Variants in MTERF2 observed in about 807,000 individuals in gnomAD.
The protein encoded by MTERF2 is mitochondrial transcription termination factor 2, also known as transcription termination factor 2, mitochondrial.
In MTERF2, 23 loss-of-function variants were observed where a neutral mutation model predicts 29.2. That is an observed-to-expected ratio of 0.79 (90% CI 0.57 to 1.12). The LOEUF (loss-of-function observed/expected upper bound fraction) is 1.12. Among genes scored for constraint, MTERF2 ranks in the 50% most tolerant of loss-of-function variants. The probability of loss-of-function intolerance (pLI) is 0.00; values close to 1 mark genes in which losing one functional copy is unlikely to be tolerated. For missense variants in MTERF2, 440 were observed against 429.4 expected, an observed-to-expected ratio of 1.02 and a Z score of -0.22; for synonymous variants, 157 against 159.5, an observed-to-expected ratio of 0.98 and a Z score of 0.12.
chr12:106,985,614 A>G (rs1470160369), intron 1 of MTERF2: 1 of 152,286 alleles, frequency 6.6e-6, no homozygotes, highest in Non-Finnish European at 1.5e-5. Context: ...TCAACACTAC[A>G]TGGACAGACT....
chr12:106,979,414 T>C (rs977969996), intron 2 of MTERF2, among the ~76,000 whole-genome samples: 3 of 152,226 alleles, frequency 2.0e-5, no homozygotes, highest in African/African-American at 4.8e-5. Flanking sequence ...AGTTAATAAA[T>C]GGATTTTTTT....
chr12:106,977,718 T>C lies in MTERF2; in HGVS notation c.997A>G (p.Arg333Gly), dbSNP rs1345473603. The change falls in exon 3 of 3, where the codon AGG becomes GGG. Residue 333 changes from arginine to glycine, a missense_variant. By Grantham distance (125) the Arg-to-Gly change is moderately radical. Transcript: ENST00000240050. ...LELTPQIVQY[R>G]IRKLNSSGYR... Reference sequence around the variant, plus strand: ...CCTGAGGAATTCAGTTTCCTTATCCTGTACTGTACTATCTGTGGTGTTAAT... The same window carrying C: ...CCTGAGGAATTCAGTTTCCTTATCCCGTACTGTACTATCTGTGGTGTTAAT... 3 of 1,613,934 alleles carry C rather than the reference T, an allele frequency of 1.9e-6. No individual in the cohort carries two copies. Among genetic ancestry groups the C allele is most frequent in the African/African-American group, 2.7e-5 (2 of 74,934 alleles).
chr12:106,982,827 T>A (rs1449335109), intron 2 of MTERF2, among the ~76,000 whole-genome samples: 1 of 152,240 alleles, frequency 6.6e-6, no homozygotes, highest in Admixed American at 6.5e-5. Flanking sequence ...CAGGAAAAAC[T>A]ATCTCAGTTG....
rs933785945 is a variant in MTERF2 at position 106,977,771 on chromosome 12, T to C, written c.944A>G (p.Gln315Arg). 4 of 1,613,920 alleles carry C rather than the reference T, an allele frequency of 2.5e-6. No homozygotes were observed. The highest frequency in any genetic ancestry group is 2.7e-5 in the African/African-American group (2 of 74,942). Residue 315 changes from glutamine (Q) to arginine (R), a missense_variant, in exon 3 of 3, where the codon CAG (glutamine) becomes CGG (arginine). Transcript: ENST00000240050. ...GLLREGISIAQIRETPMVLEL... is the reference protein window; with the variant it reads ...GLLREGISIARIRETPMVLEL... The stretch of plus-strand genomic sequence containing the variant: ...AAGAACCATTGGCGTCTCTCTTATC[T>C]GAGCTATGGAAATTCCTTCTCTCAA...
chr12:106,977,360 C>T lies in MTERF2; in HGVS notation c.*197G>A. 4 of 461,132 alleles carry T rather than the reference C, an allele frequency of 8.7e-6. No individual in the cohort carries two copies. Among genetic ancestry groups the T allele is most frequent in the East Asian group, 3.6e-5 (1 of 28,058 alleles). The allele number at this position is 461,132 out of a possible 1,614,324, so 28.6% of individuals were successfully genotyped here. The stretch of plus-strand genomic sequence containing the variant: ...ATGGTTCAAGGTAAAAGTTACCAAC[C>T]TTATTAAAATAAATATGATTTATAT... On this transcript the variant is annotated 3_prime_UTR_variant, in exon 3 of 3. Transcript: ENST00000240050.
Position 106,978,110 on chromosome 12 carries a change from T to G in MTERF2, c.605A>C (p.Glu202Ala). The G allele has an allele frequency of 1.2e-6, 2 of 1,614,118 alleles. No homozygotes were observed. The highest frequency in any genetic ancestry group is 1.7e-6 in the Non-Finnish European group (2 of 1,180,008). Residue 202 changes from glutamate (E) to alanine (A), a missense_variant, in exon 3 of 3, where the codon GAG becomes GCG. Coordinates refer to ENST00000240050, the MANE Select transcript of MTERF2 (RefSeq NM_001033050.3). The part of the protein sequence containing the change: ...QESYLDVGGS[E>A]ANMKVWLLKL... ...TAGTAGCCAAACTTTCATGTTGGCC[T>G]CAGAGCCACCTACATCTAGATAACT...
intron 2 of MTERF2, among the ~76,000 whole-genome samples, chr12:106,979,869 A>G (rs1952035732): frequency 6.6e-6 from 1 of 152,156 alleles, no homozygotes; most frequent in Non-Finnish European, 1.5e-5. Context: ...CATAAGATAC[A>G]TTAACAGGAG....
At position 106,979,768 on chromosome 12, in the gene MTERF2, A is replaced by C. The variant is rs146785997; in HGVS notation, c.-57-997T>G. On this transcript the variant is annotated intron_variant, in intron 2 of 2. Transcript: ENST00000240050. ...TGTGTAGGTATCTTGAGATGGCTAT[A>C]CTGTGTCTGACACATTAACAGTCTT... Among the ~76,000 whole-genome samples, 4 of 152,352 alleles carry C rather than the reference A, an allele frequency of 2.6e-5. No individual in the cohort carries two copies. In the East Asian group the frequency reaches 7.7e-4, roughly 29 times the overall value.
In MTERF2 at chr12:106,978,759, G is replaced by A; in HGVS notation, c.-45C>T. The stretch of plus-strand genomic sequence containing the variant: ...GTTTCCACCGTCCTGGGACTTAAAT[G>A]GACTCATTCTATCTGAAAAAAAGAA... On this transcript the variant is annotated 5_prime_UTR_variant, in exon 3 of 3. Transcript: ENST00000240050. 2 of 1,539,094 alleles carry A rather than the reference G, an allele frequency of 1.3e-6. No individual in the cohort carries two copies. Among genetic ancestry groups the A allele is most frequent in the South Asian group, 1.2e-5 (1 of 81,356 alleles).
At position 106,978,448 on chromosome 12, in the gene MTERF2, G is replaced by A. The variant is rs1242750091; in HGVS notation, c.267C>T (p.Ala89=). The A allele has an allele frequency of 1.2e-6, 2 of 1,614,148 alleles. No individual in the cohort carries two copies. Among genetic ancestry groups the A allele is most frequent in the Non-Finnish European group, 8.5e-7 (1 of 1,180,040 alleles). ...AAATACTGGCTACAGCAGTCTCATC[G>A]GCACCTAGTTCTTGTAAAATATTCG... The part of the protein sequence containing the change: ...EIANILQELG[A]DETAVASILE... Residue 89 remains alanine, a synonymous_variant, in exon 3 of 3, where the codon GCC becomes GCT. Transcript: ENST00000240050.
chr12:106,983,866 C>A (rs1952079923), intron 2 of MTERF2, among the ~76,000 whole-genome samples: 1 of 152,184 alleles, frequency 6.6e-6, no homozygotes, highest in Non-Finnish European at 1.5e-5. Context: ...GCATACTTGG[C>A]TCCCCCTGCC....
At position 106,978,084 on chromosome 12, in the gene MTERF2, T is replaced by A; in HGVS notation, c.631A>T (p.Lys211Ter). 1 of 1,614,026 alleles carries A rather than the reference T, an allele frequency of 6.2e-7. No individual in the cohort carries two copies. Among genetic ancestry groups the A allele is most frequent in the Non-Finnish European group, 8.5e-7 (1 of 1,179,990 alleles). ...SEANMKVWLL[K>*]LLSQNPFILL... ...ATAAATGGGTTTTGGCTTAACAATT[T>A]TAGTAGCCAAACTTTCATGTTGGCC... The change falls in exon 3 of 3, where the codon AAA becomes TAA. Residue 211 changes from lysine to a stop codon, truncating the protein, a stop_gained. Coordinates refer to ENST00000240050, the MANE Select transcript of MTERF2 (RefSeq NM_001033050.3). LOFTEE classifies it high-confidence loss of function.
chr12:106,978,243 C>T lies in MTERF2; in HGVS notation c.472G>A (p.Glu158Lys), dbSNP rs756210264. 1.5e-5 allele frequency: 25 copies of T among 1,613,786 alleles called. No homozygotes were observed. The highest frequency in any genetic ancestry group is 2.1e-5 in the Non-Finnish European group (25 of 1,180,010). ...ATGACCACATTTTTTAGTCCCAACTCTTGAAAGAACTGAACATTCAGCTTC... is the reference window on the plus strand; with the variant it reads ...ATGACCACATTTTTTAGTCCCAACTTTTGAAAGAACTGAACATTCAGCTTC... Reference protein sequence around the residue: ...NQKLNVQFFQELGLKNVVISR... With the variant: ...NQKLNVQFFQKLGLKNVVISR... The change falls in exon 3 of 3, where the codon GAG (glutamate) becomes AAG (lysine). Residue 158 changes from glutamate to lysine, a missense_variant. Coordinates refer to ENST00000240050, the MANE Select transcript of MTERF2 (RefSeq NM_001033050.3).
At chr12:106,979,282 G>A (rs181833196) in intron 2 of MTERF2, among the ~76,000 whole-genome samples, 4 of 152,218 alleles carry the variant, frequency 2.6e-5, no homozygotes, top group African/African-American at 9.6e-5. Context: ...TTATTAAGTT[G>A]ATGTTTACCT....
chr12:106,983,870 C>G lies in MTERF2; in HGVS notation c.-58+1245G>C, dbSNP rs554765952. On this transcript the variant is annotated intron_variant, in intron 2 of 2. Coordinates refer to ENST00000240050, the MANE Select transcript of MTERF2 (RefSeq NM_001033050.3). Reference sequence around the variant, plus strand: ...TGGTCTTTGCTGCATACTTGGCTCCCCCTGCCAGACCATCCTCAAACCAGC... The same window carrying G: ...TGGTCTTTGCTGCATACTTGGCTCCGCCTGCCAGACCATCCTCAAACCAGC... 6.6e-5 allele frequency among the ~76,000 whole-genome samples: 10 copies of G among 152,306 alleles called. No individual in the cohort carries two copies. The East Asian group carries it at 1.7e-3, about 26-fold the overall frequency.
chr12:106,980,148 G>A (rs1015082065), intron 2 of MTERF2, among the ~76,000 whole-genome samples: 12 of 152,026 alleles, frequency 7.9e-5, no homozygotes, highest in Non-Finnish European at 1.2e-4. Context: ...TGCCCGTCTC[G>A]GCCTCCCAAA....
intron 2 of MTERF2, among the ~76,000 whole-genome samples, chr12:106,981,080 G>A (rs1952047342): frequency 1.3e-5 from 2 of 152,202 alleles, no homozygotes; most frequent in Non-Finnish European, 1.5e-5. Context: ...ATGAAGCACA[G>A]GCAGATCTGG....
intron 2 of MTERF2, among the ~76,000 whole-genome samples, chr12:106,984,494 C>G (rs576852710): frequency 6.6e-6 from 1 of 152,098 alleles, no homozygotes; most frequent in African/African-American, 2.4e-5. Flanking sequence ...TGAGCTCAAG[C>G]GATCTGCCCA....
Position 106,977,932 on chromosome 12 carries a change from T to A in MTERF2, c.783A>T (p.Arg261Ser). 2 of 1,614,146 alleles carry A rather than the reference T, an allele frequency of 1.2e-6. No individual in the cohort carries two copies. Among genetic ancestry groups the A allele is most frequent in the East Asian group, 2.2e-5 (1 of 44,868 alleles). ...AGAAGGAAATACTATTCTGTATACT[T>A]CTTGGGCAAAGTTGAAAAAGAAATC... ...LKGFLFQLCPRSIQNSISFSK... is the reference protein window; with the variant it reads ...LKGFLFQLCPSSIQNSISFSK... The change falls in exon 3 of 3, where the codon AGA (arginine) becomes AGT (serine). Residue 261 changes from arginine (R) to serine (S), a missense_variant. Arg to Ser is a moderately radical substitution (Grantham distance 110). Coordinates refer to ENST00000240050, the MANE Select transcript of MTERF2 (RefSeq NM_001033050.3).
Sources: gnomAD v4.1 joint callset for allele counts (sites outside exome capture counted in the v4.1 genomes callset) on GRCh38, gnomAD v4.1.1 for gene constraint, MANE v1.5 for transcripts, NCBI Gene and HGNC (gene_info 2026-07-23, HGNC 2026-07-21) for gene names.